Variants in RUNX1 observed in about 807,000 individuals in gnomAD.
RUNX1 encodes RUNX family transcription factor 1.
In RUNX1, 19 loss-of-function variants were observed where a neutral mutation model predicts 42.8. The ratio of observed to expected loss-of-function variants is 0.44; its 90% CI spans 0.31 to 0.65. RUNX1 has a LOEUF of 0.65. Ranked by LOEUF, RUNX1 falls within the 30% of genes least tolerant of loss-of-function variation. The probability of loss-of-function intolerance (pLI) is 0.07; values close to 1 mark genes in which losing one functional copy is unlikely to be tolerated. For synonymous variants in RUNX1, 271 were observed against 289.4 expected (o/e 0.94, Z 0.64); for missense variants, 528 against 672.0 (o/e 0.79, Z 2.37).
intron 6 of RUNX1, among the ~76,000 whole-genome samples, 181 bp from the exon 7 acceptor site, chr21:34,834,782 C>T (rs1207776191): frequency 6.6e-6 from 1 of 152,144 alleles, no homozygotes; most frequent in African/African-American, 2.4e-5. Flanking sequence ...ACTGTCCTCT[C>T]AGCAGAATGG....
chr21:34,920,229 C>T (rs2058343539), intron 2 of RUNX1, among the ~76,000 whole-genome samples: 1 of 152,140 alleles, frequency 6.6e-6, no homozygotes, highest in Admixed American at 6.5e-5. Flanking sequence ...GCTTTACTCC[C>T]ACTCTCTTTT....
intron 5 of RUNX1, among the ~76,000 whole-genome samples, chr21:34,880,020 C>T (rs1030291086): frequency 6.6e-6 from 1 of 152,174 alleles, no homozygotes; most frequent in African/African-American, 2.4e-5. Flanking sequence ...ATACTGCCAT[C>T]AATGGTACTA....
intron 2 of RUNX1, among the ~76,000 whole-genome samples, chr21:34,921,941 T>C (rs1457128760): frequency 6.6e-6 from 1 of 152,184 alleles, no homozygotes; most frequent in Non-Finnish European, 1.5e-5. Context: ...GCCTACATAA[T>C]TGATTTTTAA....
chr21:34,862,816 T>C (rs561679990), intron 5 of RUNX1, among the ~76,000 whole-genome samples: 35 of 152,284 alleles, frequency 2.3e-4, no homozygotes, highest in Non-Finnish European at 4.1e-4. Context: ...TTTAACTCAG[T>C]ACAAATAGCA....
intron 3 of RUNX1, chr21:34,888,273 G>A (rs1340461829): frequency 2.1e-4 from 226 of 1,067,322 alleles, no homozygotes; most frequent in Non-Finnish European, 2.5e-4. Flanking sequence ...CCTTGAGGGA[G>A]GGCTCCGCGG....
chr21:35,029,030 T>C (rs1474177697), intron 2 of RUNX1, among the ~76,000 whole-genome samples: 1 of 152,154 alleles, frequency 6.6e-6, no homozygotes, highest in Non-Finnish European at 1.5e-5. Context: ...GAAATCAAGG[T>C]CACCAAACCT....
chr21:34,808,356 G>C (rs551653832), intron 7 of RUNX1, among the ~76,000 whole-genome samples: 1 of 152,164 alleles, frequency 6.6e-6, no homozygotes, highest in Non-Finnish European at 1.5e-5. Flanking sequence ...CTGCCAGCCT[G>C]GGAGGTGGCA....
intron 2 of RUNX1, among the ~76,000 whole-genome samples, chr21:34,957,660 G>T (rs1256653392): frequency 1.3e-5 from 2 of 152,138 alleles, no homozygotes; most frequent in Non-Finnish European, 2.9e-5. Context: ...GTACATTCTA[G>T]ACACACATCA....
rs1267960021 is a variant in RUNX1, at chr21:35,048,932, G to C, written c.-33C>G. The C allele has an allele frequency of 6.2e-7, 1 of 1,600,350 alleles. No homozygotes were observed. Among genetic ancestry groups the C allele is most frequent in the Non-Finnish European group, 8.6e-7 (1 of 1,167,726 alleles). Reference sequence around the variant, plus strand: ...TCCTGAAAATGCACCCTCTTCTGAAGGCGGGGGACTCAATGATTTCTTTTA... The same window carrying C: ...TCCTGAAAATGCACCCTCTTCTGAACGCGGGGGACTCAATGATTTCTTTTA... On this transcript the variant is annotated 5_prime_UTR_variant, in exon 2 of 9. Coordinates refer to ENST00000675419, the MANE Select transcript of RUNX1 (RefSeq NM_001754.5).
At chr21:34,814,795 T>TG (rs2145970236) in intron 7 of RUNX1, among the ~76,000 whole-genome samples, 1 of 152,306 alleles carries the variant, frequency 6.6e-6, no homozygotes, top group South Asian at 2.1e-4. Context: ...GCAGGATTTC[T>TG]GGGGGCCTGA....
intron 2 of RUNX1, among the ~76,000 whole-genome samples, chr21:35,003,392 A>G (rs2059060592): frequency 6.6e-6 from 1 of 152,236 alleles, no homozygotes; most frequent in Non-Finnish European, 1.5e-5. Flanking sequence ...CGGTAATGGG[A>G]GACTCCCACA....
intron 7 of RUNX1, among the ~76,000 whole-genome samples, chr21:34,826,125 T>C (rs2056983580): frequency 6.6e-6 from 1 of 152,250 alleles, no homozygotes; most frequent in Non-Finnish European, 1.5e-5. Context: ...GGTTTGATTA[T>C]GTCCCTCAAA....
chr21:34,831,383 G>A (rs143658717), intron 7 of RUNX1, among the ~76,000 whole-genome samples: 1 of 152,282 alleles, frequency 6.6e-6, no homozygotes, highest in East Asian at 1.9e-4. Flanking sequence ...CAGATAATTT[G>A]AGATGTCTAT....
At chr21:35,032,716 A>T (rs777248546) in intron 2 of RUNX1, among the ~76,000 whole-genome samples, 4 of 152,206 alleles carry the variant, frequency 2.6e-5, no homozygotes, top group Admixed American at 6.5e-5. Context: ...TCTGGACAGA[A>T]TTGGAACCAC....
At chr21:34,900,240 T>A (rs949821285) in intron 2 of RUNX1, among the ~76,000 whole-genome samples, 3 of 152,214 alleles carry the variant, frequency 2.0e-5, no homozygotes, top group Non-Finnish European at 4.4e-5. Context: ...TCTTCAAAAG[T>A]CTGTGTGTAT....
At chr21:35,032,107 C>A (rs532671678) in intron 2 of RUNX1, among the ~76,000 whole-genome samples, 5 of 152,296 alleles carry the variant, frequency 3.3e-5, no homozygotes, top group Non-Finnish European at 7.4e-5. Context: ...CCAGCTCCTA[C>A]AGATTGTTTG....
intron 2 of RUNX1, among the ~76,000 whole-genome samples, chr21:34,989,898 T>C (rs1447707528): frequency 1.3e-5 from 2 of 152,164 alleles, no homozygotes; most frequent in Non-Finnish European, 2.9e-5. Flanking sequence ...AGAAGGTGGA[T>C]TACCTCTTAC....
intron 2 of RUNX1, among the ~76,000 whole-genome samples, chr21:34,915,878 C>T (rs1474162469): frequency 6.6e-6 from 1 of 152,118 alleles, no homozygotes; most frequent in East Asian, 1.9e-4. Context: ...TATCAACAGC[C>T]TCTTCACATT....
intron 7 of RUNX1, among the ~76,000 whole-genome samples, chr21:34,815,330 T>C (rs1042498999): frequency 6.6e-5 from 10 of 152,028 alleles, no homozygotes; most frequent in Non-Finnish European, 1.3e-4. Flanking sequence ...AAAATTAAAA[T>C]GTAATTCTGC....
Sources: allele counts gnomAD v4.1 joint callset (sites outside exome capture counted in the v4.1 genomes callset), GRCh38; gene constraint gnomAD v4.1.1; transcripts MANE v1.5; gene names NCBI Gene and HGNC (gene_info 2026-07-23, HGNC 2026-07-21).